The following FAM110B variants were observed in gnomAD, a reference collection of about 807,000 sequenced individuals.
FAM110B encodes the protein family with sequence similarity 110 member B, also known as protein FAM110B.
In FAM110B, 6 loss-of-function variants were observed where a neutral mutation model predicts 20.4. The ratio of observed to expected loss-of-function variants is 0.29; its 90% CI spans 0.16 to 0.58. The LOEUF (loss-of-function observed/expected upper bound fraction) is 0.58, where lower values mean the gene tolerates loss of function less well. Among genes scored for constraint, FAM110B ranks in the 20% least tolerant of loss-of-function variants. The pLI, the probability that FAM110B is intolerant of heterozygous loss-of-function variation, is 0.90. For synonymous variants in FAM110B, 226 were observed against 214.1 expected (o/e 1.06, Z -0.49); for missense variants, 434 against 498.2 (o/e 0.87, Z 1.23).
intron 2 of FAM110B, among the ~76,000 whole-genome samples, chr8:58,066,011 G>A (rs12114432): frequency 0.049 from 7,421 of 152,140 alleles, 219 homozygotes; most frequent in South Asian, 0.11. Context: ...AGGAGGAGCC[G>A]TGATGACAAG....
intron 1 of FAM110B, among the ~76,000 whole-genome samples, chr8:57,999,605 C>G (rs1309742519): frequency 6.6e-6 from 1 of 152,026 alleles, no homozygotes; most frequent in Non-Finnish European, 1.5e-5. Context: ...AGTTCCTCTA[C>G]TATGATGATT....
intron 2 of FAM110B, among the ~76,000 whole-genome samples, chr8:58,072,482 T>C (rs1805924353): frequency 6.6e-6 from 1 of 152,214 alleles, no homozygotes; most frequent in Non-Finnish European, 1.5e-5. Flanking sequence ...ATTAAACAAG[T>C]GTTATTTATG....
At chr8:58,006,923 A>ATATATATATTTTT in intron 1 of FAM110B, among the ~76,000 whole-genome samples, 1 of 126,518 alleles carries the variant, frequency 7.9e-6, no homozygotes, top group African/African-American at 3.0e-5. Context: ...ATATATATAT[A>ATATATATATTTTT]TTTTTCCAAA....
intron 3 of FAM110B, among the ~76,000 whole-genome samples, chr8:58,097,853 C>G (rs1806672028): frequency 6.6e-6 from 1 of 152,242 alleles, no homozygotes. Flanking sequence ...TGGAGGTCCA[C>G]TCCAGACCCT....
At chr8:58,000,975 G>C (rs1038725324) in intron 1 of FAM110B, among the ~76,000 whole-genome samples, 7 of 152,146 alleles carry the variant, frequency 4.6e-5, no homozygotes, top group African/African-American at 1.4e-4. Context: ...TCATTGTGTG[G>C]GTTGTTAATA....
At chr8:58,072,484 T>C (rs1202462611) in intron 2 of FAM110B, among the ~76,000 whole-genome samples, 1 of 152,220 alleles carries the variant, frequency 6.6e-6, no homozygotes. Context: ...TAAACAAGTG[T>C]TATTTATGTT....
intron 3 of FAM110B, 114 bp downstream of exon 3, chr8:58,075,737 G>C (rs1806022674): frequency 1.3e-5 from 2 of 151,940 alleles, no homozygotes; most frequent in African/African-American, 4.8e-5. Context: ...ATATTTTGCT[G>C]TCTGGCAATA....
At chr8:58,066,242 A>G (rs1041293713) in intron 2 of FAM110B, among the ~76,000 whole-genome samples, 2 of 152,208 alleles carry the variant, frequency 1.3e-5, no homozygotes, top group African/African-American at 4.8e-5. Context: ...CAGTCTGCTC[A>G]GGGTTTTTGT....
chr8:58,078,148 A>G (rs962915340), intron 3 of FAM110B, among the ~76,000 whole-genome samples: 1 of 152,226 alleles, frequency 6.6e-6, no homozygotes, highest in Non-Finnish European at 1.5e-5. Context: ...TATTATCGCC[A>G]TTAAATTTTC....
chr8:58,020,284 T>C (rs746358886), intron 1 of FAM110B, among the ~76,000 whole-genome samples: 1 of 152,210 alleles, frequency 6.6e-6, no homozygotes, highest in African/African-American at 2.4e-5. Context: ...TCATTGGAGA[T>C]TCTGTTCTTA....
At chr8:58,022,100 C>A (rs143474800) in intron 1 of FAM110B, among the ~76,000 whole-genome samples, 1 of 152,298 alleles carries the variant, frequency 6.6e-6, no homozygotes, top group East Asian at 1.9e-4. Flanking sequence ...CAGGCTCTCA[C>A]TTTCATAAAC....
chr8:58,139,766 A>C (rs1447534465), intron 3 of FAM110B, among the ~76,000 whole-genome samples: 1 of 152,106 alleles, frequency 6.6e-6, no homozygotes, highest in African/African-American at 2.4e-5. Flanking sequence ...GTCTCTACTA[A>C]AATTACAAAA....
chr8:58,022,697 C>A (rs1804780016), intron 1 of FAM110B, among the ~76,000 whole-genome samples: 1 of 152,110 alleles, frequency 6.6e-6, no homozygotes, highest in Admixed American at 6.6e-5. Context: ...TTGATATTGG[C>A]ATTGTTCTAC....
chr8:58,096,820 T>C (rs566992257), intron 3 of FAM110B, among the ~76,000 whole-genome samples: 17 of 152,178 alleles, frequency 1.1e-4, no homozygotes, highest in Non-Finnish European at 2.2e-4. Context: ...TGGTTGGATA[T>C]GAAATTCTGG....
chr8:58,003,352 C>T (rs1449769393), intron 1 of FAM110B, among the ~76,000 whole-genome samples: 1 of 152,128 alleles, frequency 6.6e-6, no homozygotes, highest in Non-Finnish European at 1.5e-5. Context: ...CAACTTCTTC[C>T]AAACTCCTGT....
chr8:58,108,514 C>A (rs549916170), intron 3 of FAM110B, among the ~76,000 whole-genome samples: 1 of 152,184 alleles, frequency 6.6e-6, no homozygotes, highest in Non-Finnish European at 1.5e-5. Context: ...GGCTTCCTGG[C>A]ATGTTCGGAT....
intron 2 of FAM110B, among the ~76,000 whole-genome samples, chr8:58,060,531 G>A (rs1384496833): frequency 5.3e-5 from 8 of 152,102 alleles, no homozygotes; most frequent in African/African-American, 1.9e-4. Flanking sequence ...AATACTTTAA[G>A]TAACAGTGCT....
chr8:58,006,218 G>A (rs1804398281), intron 1 of FAM110B, among the ~76,000 whole-genome samples: 1 of 152,160 alleles, frequency 6.6e-6, no homozygotes, highest in Non-Finnish European at 1.5e-5. Context: ...TAGGTGTCAA[G>A]TAGTAAAGAA....
At position 57,995,732 on chromosome 8, in the gene FAM110B, G is replaced by A. The variant is rs72660372; in HGVS notation, c.-512+926G>A. Among the ~76,000 whole-genome samples, 357 of 152,328 alleles carry A rather than the reference G, an allele frequency of 2.3e-3. 4 individuals carry two copies. Among genetic ancestry groups the A allele is most frequent in the Non-Finnish European group, 3.4e-3 (233 of 68,030 alleles). ...GTGCTCAGCTTTTTAACCCTTTCAAGTTGTTATTCAGATTTATTGACACAC... is the reference window on the plus strand; with the variant it reads ...GTGCTCAGCTTTTTAACCCTTTCAAATTGTTATTCAGATTTATTGACACAC... On this transcript the variant is annotated intron_variant, in intron 1 of 3. Coordinates refer to ENST00000519262, the MANE Select transcript of FAM110B (RefSeq NM_001377989.1).
Sources: gnomAD v4.1 joint callset for allele counts (sites outside exome capture counted in the v4.1 genomes callset) on GRCh38, gnomAD v4.1.1 for gene constraint, MANE v1.5 for transcripts, NCBI Gene and HGNC (gene_info 2026-07-23, HGNC 2026-07-21) for gene names.